ZBTB20: variants seen among roughly 807,000 people sequenced by gnomAD.
ZBTB20 encodes the protein zinc finger and BTB domain containing 20.
Under a neutral mutation model 56.9 loss-of-function variants are expected in ZBTB20, and 9 were observed. That is an observed-to-expected ratio of 0.16 (90% CI 0.10 to 0.28). ZBTB20 has a LOEUF of 0.28. Among genes scored for constraint, ZBTB20 ranks in the 10% least tolerant of loss-of-function variants. The pLI is 1.00. For missense variants in ZBTB20, 655 were observed against 1,003.0 expected (o/e 0.65, Z 4.69); for synonymous variants, 417 against 420.7 (o/e 0.99, Z 0.11).
rs1023806011 is a variant in ZBTB20, at chr3:114,574,049, AC to A, written c.-294-73659del. ...ATATATATTTATTTGTATCTTTTGG[AC>A]CAGGAATTTTTAGTTGTGTTATTTT... On this transcript the variant is annotated intron_variant, in intron 6 of 11. Coordinates refer to ENST00000675478, the MANE Select transcript of ZBTB20 (RefSeq NM_001348800.3). Among the ~76,000 whole-genome samples the A allele has an allele frequency of 2.8e-4, 43 of 152,170 alleles. No homozygotes were observed. In the East Asian group the frequency reaches 7.1e-3, roughly 25 times the overall value.
chr3:114,791,902 A>AC (rs1194447514), intron 5 of ZBTB20: 1 of 152,014 alleles, frequency 6.6e-6, no homozygotes, highest in African/African-American at 2.4e-5. Flanking sequence ...GTGTCTCTTG[A>AC]CCCCCTGAAA....
intron 6 of ZBTB20, among the ~76,000 whole-genome samples, chr3:114,652,790 GA>G (rs1391303780): frequency 4.0e-5 from 6 of 151,896 alleles, no homozygotes; most frequent in Non-Finnish European, 8.8e-5. Context: ...TGACACTTTA[GA>G]AATACTGAGT....
chr3:114,620,744 C>A lies in ZBTB20; in HGVS notation c.-295+72784G>T, dbSNP rs139757181. On this transcript the variant is annotated intron_variant, in intron 6 of 11. Transcript: ENST00000675478. ...AAATTAACAAACCTAAAACACAAAA[C>A]CTGCCCTCTAACCACTTGCAGTTTC... Among the ~76,000 whole-genome samples, 158 of 152,298 alleles carry A rather than the reference C, an allele frequency of 1.0e-3. 3 individuals carry two copies. The East Asian group carries it at 0.028, about 27-fold the overall frequency.
intron 6 of ZBTB20, among the ~76,000 whole-genome samples, chr3:114,630,706 G>A (rs868467751): frequency 2.6e-5 from 4 of 152,172 alleles, no homozygotes; most frequent in Non-Finnish European, 4.4e-5. Flanking sequence ...TTTCTGCAAC[G>A]TCTCCCTACC....
intron 3 of ZBTB20, among the ~76,000 whole-genome samples, chr3:114,902,535 G>A (rs975957632): frequency 3.9e-5 from 6 of 152,112 alleles, no homozygotes; most frequent in African/African-American, 9.7e-5. Context: ...TTATATTTCT[G>A]AGCAAACACC....
At chr3:114,986,171 G>A (rs2078532098) in intron 2 of ZBTB20, among the ~76,000 whole-genome samples, 1 of 151,940 alleles carries the variant, frequency 6.6e-6, no homozygotes, top group Non-Finnish European at 1.5e-5. Flanking sequence ...TGTATGGGGG[G>A]GTTGGAAAAG....
intron 10 of ZBTB20, among the ~76,000 whole-genome samples, chr3:114,363,598 G>A (rs1477354007): frequency 1.3e-5 from 2 of 152,152 alleles, no homozygotes; most frequent in Non-Finnish European, 2.9e-5. Flanking sequence ...ACAAAGGTGT[G>A]TATGCTTCAC....
intron 6 of ZBTB20, among the ~76,000 whole-genome samples, chr3:114,597,727 G>C (rs145064018): frequency 1.1e-3 from 174 of 152,232 alleles, no homozygotes; most frequent in African/African-American, 4.1e-3. Context: ...AAGCCTTGGT[G>C]TAAGTTATTT....
intron 6 of ZBTB20, among the ~76,000 whole-genome samples, chr3:114,606,943 C>T (rs2057210150): frequency 1.3e-5 from 2 of 151,650 alleles, no homozygotes; most frequent in South Asian, 2.1e-4. Context: ...TAAAAAAATA[C>T]AAAAATTAAC....
chr3:114,794,102 CACTT>C (rs1436840607), intron 5 of ZBTB20, among the ~76,000 whole-genome samples: 2 of 151,832 alleles, frequency 1.3e-5, no homozygotes, highest in Non-Finnish European at 2.9e-5. Flanking sequence ...ATACAAACCT[CACTT>C]ACTGGCTTTG....
intron 6 of ZBTB20, among the ~76,000 whole-genome samples, chr3:114,573,270 G>A (rs1323117941): frequency 1.3e-5 from 2 of 152,154 alleles, no homozygotes; most frequent in South Asian, 2.1e-4. Flanking sequence ...GACCACCCTA[G>A]GCAACATGGT....
At chr3:114,665,708 A>G (rs1465193741) in intron 6 of ZBTB20, among the ~76,000 whole-genome samples, 1 of 152,094 alleles carries the variant, frequency 6.6e-6, no homozygotes. Flanking sequence ...AAGGTAGATT[A>G]AAATAATCTG....
chr3:114,427,436 A>G (rs1406192934), intron 7 of ZBTB20, among the ~76,000 whole-genome samples: 1 of 152,226 alleles, frequency 6.6e-6, no homozygotes, highest in East Asian at 1.9e-4. Flanking sequence ...CAGCACAAAA[A>G]TCATTATCCA....
intron 3 of ZBTB20, among the ~76,000 whole-genome samples, chr3:114,934,701 A>G (rs777881493): frequency 1.6e-4 from 24 of 152,034 alleles, no homozygotes; most frequent in Admixed American, 9.2e-4. Flanking sequence ...TCTCTTCTAA[A>G]TTTGCATATA....
chr3:114,668,681 G>A (rs756817534), intron 6 of ZBTB20, among the ~76,000 whole-genome samples: 35 of 152,126 alleles, frequency 2.3e-4, no homozygotes, highest in Middle Eastern at 3.4e-3. Flanking sequence ...GTTGAAAGGG[G>A]AATTTAATTG....
Position 114,811,383 on chromosome 3 carries a change from C to T in ZBTB20, c.-416-10209G>A, listed in dbSNP as rs150862861. On this transcript the variant is annotated intron_variant, in intron 4 of 11. Transcript: ENST00000675478. ...AATTTTTCCTTTACATGATGATCCA[C>T]AATAAAGTTCCCTTGAGAATACACT... 7.0e-3 allele frequency among the ~76,000 whole-genome samples: 1,070 copies of T among 152,218 alleles called. 16 individuals are homozygous for T. Among genetic ancestry groups the T allele is most frequent in the African/African-American group, 0.024 (995 of 41,530 alleles).
At chr3:114,711,876 T>C (rs908664711) in intron 5 of ZBTB20, among the ~76,000 whole-genome samples, 6 of 152,254 alleles carry the variant, frequency 3.9e-5, no homozygotes, top group Non-Finnish European at 8.8e-5. Context: ...GCTATTCTTC[T>C]ATGTCTAAGC....
intron 2 of ZBTB20, among the ~76,000 whole-genome samples, chr3:115,039,257 A>G (rs978726591): frequency 1.3e-5 from 2 of 152,118 alleles, no homozygotes; most frequent in Non-Finnish European, 2.9e-5. Flanking sequence ...GTGAAAGACT[A>G]GAATCATAAC....
chr3:115,030,891 A>G (rs993273683), intron 2 of ZBTB20, among the ~76,000 whole-genome samples: 1 of 151,416 alleles, frequency 6.6e-6, no homozygotes, highest in African/African-American at 2.4e-5. Context: ...TGTTATGTGA[A>G]GAGGTCATGC....
Sources: allele counts gnomAD v4.1 joint callset (sites outside exome capture counted in the v4.1 genomes callset), GRCh38; gene constraint gnomAD v4.1.1; transcripts MANE v1.5; gene names NCBI Gene and HGNC (gene_info 2026-07-23, HGNC 2026-07-21).